The following DLGAP2 variants were observed in gnomAD, a reference collection of about 807,000 sequenced individuals.
DLGAP2 encodes DLG associated protein 2.
DLGAP2 carries 26 observed loss-of-function variants against 100.3 expected under a neutral mutation model. That is an observed-to-expected ratio of 0.26 (90% CI 0.19 to 0.36). DLGAP2 has a LOEUF of 0.36. Ranked by LOEUF, DLGAP2 falls within the 10% of genes least tolerant of loss-of-function variation. The probability of loss-of-function intolerance (pLI) is 1.00; values close to 1 mark genes in which losing one functional copy is unlikely to be tolerated. For synonymous variants in DLGAP2, 886 were observed against 630.1 expected (o/e 1.41, Z -6.08); for missense variants, 1,858 against 1,453.2 (o/e 1.28, Z -4.53).
intron 2 of DLGAP2, among the ~76,000 whole-genome samples, chr8:981,878 A>G (rs1207576919): frequency 6.6e-6 from 1 of 152,200 alleles, no homozygotes; most frequent in African/African-American, 2.4e-5. Flanking sequence ...CTTTCCACAA[A>G]GAGTTTGAAC....
chr8:1,258,554 T>G (rs1357417759), intron 2 of DLGAP2, among the ~76,000 whole-genome samples: 1 of 152,224 alleles, frequency 6.6e-6, no homozygotes, highest in Non-Finnish European at 1.5e-5. Context: ...TATACCTATG[T>G]AAGCTGCACG....
intron 1 of DLGAP2, among the ~76,000 whole-genome samples, chr8:762,871 T>A (rs1182744391): frequency 6.6e-6 from 1 of 151,446 alleles, no homozygotes; most frequent in African/African-American, 2.4e-5. Flanking sequence ...AGATACAGAG[T>A]TTCACCATAT....
At chr8:1,181,249 C>G (rs1156797644) in intron 2 of DLGAP2, among the ~76,000 whole-genome samples, 1 of 151,362 alleles carries the variant, frequency 6.6e-6, no homozygotes, top group Non-Finnish European at 1.5e-5. Context: ...AGTACACTTA[C>G]TGTCGAGTGT....
At chr8:1,152,326 G>T (rs900549765) in intron 2 of DLGAP2, among the ~76,000 whole-genome samples, 3 of 152,146 alleles carry the variant, frequency 2.0e-5, no homozygotes, top group Admixed American at 6.6e-5. Context: ...AAATTGTGAG[G>T]TAGTGTTAAA....
chr8:1,562,987 G>T (rs536986398), intron 5 of DLGAP2, among the ~76,000 whole-genome samples: 4 of 70,080 alleles, frequency 5.7e-5, no homozygotes, highest in African/African-American at 2.6e-4. Context: ...ACTGTGTGGT[G>T]TTGGGGTGTC....
At chr8:1,386,743 G>A (rs899880696) in intron 3 of DLGAP2, among the ~76,000 whole-genome samples, 11 of 152,104 alleles carry the variant, frequency 7.2e-5, no homozygotes, top group Non-Finnish European at 2.9e-5. Flanking sequence ...GGGGAGGAAA[G>A]CCCAGGCCAC....
chr8:1,015,344 T>A (rs796990350), intron 2 of DLGAP2, among the ~76,000 whole-genome samples: 11 of 602 alleles, frequency 0.018, no homozygotes, highest in South Asian at 0.1. Flanking sequence ...CCACTGTGTG[T>A]GACCAGGACA....
intron 2 of DLGAP2, among the ~76,000 whole-genome samples, chr8:1,196,707 C>T (rs1401103284): frequency 6.6e-6 from 1 of 152,260 alleles, no homozygotes; most frequent in East Asian, 1.9e-4. Context: ...ATTTCCCAAG[C>T]AGCCGCACGT....
intron 2 of DLGAP2, among the ~76,000 whole-genome samples, chr8:1,040,065 G>C (rs1563159282): frequency 6.7e-6 from 1 of 149,708 alleles, no homozygotes; most frequent in Non-Finnish European, 1.5e-5. Context: ...TGCGTGGTCA[G>C]CTCGGTTTCC....
chr8:1,009,277 G>A (rs1441896669), intron 2 of DLGAP2, among the ~76,000 whole-genome samples: 12 of 152,168 alleles, frequency 7.9e-5, no homozygotes, highest in Admixed American at 7.9e-4. Flanking sequence ...TCAAGTCCCA[G>A]CAGAACAGAC....
At chr8:1,680,831 A>G (rs1798926065) in intron 12 of DLGAP2, 1 of 152,238 alleles carries the variant, frequency 6.6e-6, no homozygotes, top group African/African-American at 2.4e-5. Flanking sequence ...TCTTTAGCAC[A>G]AAGATAAAAC....
At chr8:1,496,332 G>A (rs928558018) in intron 3 of DLGAP2, among the ~76,000 whole-genome samples, 1 of 152,050 alleles carries the variant, frequency 6.6e-6, no homozygotes, top group African/African-American at 2.4e-5. Flanking sequence ...GTGCATGGGG[G>A]TCGGAACCTG....
chr8:1,340,018 A>G (rs1801382662), intron 3 of DLGAP2, among the ~76,000 whole-genome samples: 1 of 152,240 alleles, frequency 6.6e-6, no homozygotes, highest in Admixed American at 6.5e-5. Context: ...TATTCAATCC[A>G]TGGTACTGGG....
At chr8:1,575,629 C>G (rs1355992580) in intron 6 of DLGAP2, among the ~76,000 whole-genome samples, 1 of 103,036 alleles carries the variant, frequency 9.7e-6, no homozygotes, top group Non-Finnish European at 1.8e-5. Flanking sequence ...TCCCCCCACC[C>G]CATAACAGGC....
At chr8:1,641,906 ACCCCGCCGGCCCTC>A (rs1797913009) in intron 8 of DLGAP2, among the ~76,000 whole-genome samples, 48 of 129,100 alleles carry the variant, frequency 3.7e-4, no homozygotes, top group South Asian at 1.3e-3. Flanking sequence ...GTCACCCTCG[ACCCCGCCGGCCCTC>A]ACCTGTGTCA....
At chr8:1,484,521 T>C (rs1229585040) in intron 3 of DLGAP2, among the ~76,000 whole-genome samples, 1 of 152,208 alleles carries the variant, frequency 6.6e-6, no homozygotes, top group Non-Finnish European at 1.5e-5. Context: ...GATGTTTTGA[T>C]CACGACGGCT....
intron 8 of DLGAP2, among the ~76,000 whole-genome samples, chr8:1,667,384 A>G (rs756759492): frequency 6.6e-6 from 1 of 152,240 alleles, no homozygotes. Context: ...AGAATGCCCC[A>G]TGCAACTCGA....
At chr8:906,195 G>C (rs1375028759) in intron 1 of DLGAP2, among the ~76,000 whole-genome samples, 1 of 152,236 alleles carries the variant, frequency 6.6e-6, no homozygotes, top group African/African-American at 2.4e-5. Context: ...CCCTTAGGTG[G>C]TGTCTGCAGC....
intron 6 of DLGAP2, among the ~76,000 whole-genome samples, chr8:1,593,337 C>T (rs1796347153): frequency 1.3e-5 from 2 of 151,956 alleles, no homozygotes; most frequent in Admixed American, 6.6e-5. Context: ...CGCCTGTAGT[C>T]CCAGCTACTC....
Sources: allele counts gnomAD v4.1 joint callset (sites outside exome capture counted in the v4.1 genomes callset), GRCh38; gene constraint gnomAD v4.1.1; transcripts MANE v1.5; gene names NCBI Gene and HGNC (gene_info 2026-07-23, HGNC 2026-07-21).